The following ERLIN1 variants were observed in gnomAD, a reference collection of about 807,000 sequenced individuals.
ERLIN1 encodes the protein erlin-1.
Under a neutral mutation model 46.9 loss-of-function variants are expected in ERLIN1, and 24 were observed. That is an observed-to-expected ratio of 0.51 (90% confidence interval 0.37 to 0.72). The LOEUF is 0.72. Ranked by LOEUF, ERLIN1 falls within the 30% of genes least tolerant of loss-of-function variation. ERLIN1 has a pLI of 0.00. For synonymous variants in ERLIN1, 158 were observed against 143.2 expected (o/e 1.10, Z -0.74); for missense variants, 293 against 417.9 (o/e 0.70, Z 2.61).
chr10:100,153,485 T>C (rs534086375), intron 10 of ERLIN1, among the ~76,000 whole-genome samples: 1 of 152,332 alleles, frequency 6.6e-6, no homozygotes, highest in African/African-American at 2.4e-5. Flanking sequence ...GATCCTCTCC[T>C]TATCTTGAGT....
chr10:100,179,186 A>G lies in ERLIN1; in HGVS notation c.242+15T>C. ...CTGAGCTAAAGGGAGGCTCGTAGGC[A>G]AAGAGAAAGCTTACCTTGTTCCACA... is the stretch of plus-strand genomic sequence containing the variant. On this transcript the variant is annotated intron_variant, in intron 3 of 10. Transcript: ENST00000421367. 1.3e-6 allele frequency: 2 copies of G among 1,586,240 alleles called. No homozygotes were observed. Among genetic ancestry groups the G allele is most frequent in the Non-Finnish European group, 1.7e-6 (2 of 1,163,648 alleles).
At chr10:100,172,699 T>C (rs750994126) in intron 6 of ERLIN1, among the ~76,000 whole-genome samples, 5 of 152,208 alleles carry the variant, frequency 3.3e-5, no homozygotes, top group Non-Finnish European at 7.3e-5. Flanking sequence ...TGGGTCACAA[T>C]TATTTGCACA....
At chr10:100,153,642 G>T (rs528966035) in intron 10 of ERLIN1, among the ~76,000 whole-genome samples, 1 of 152,144 alleles carries the variant, frequency 6.6e-6, no homozygotes, top group Non-Finnish European at 1.5e-5. Flanking sequence ...ATCAAATCTG[G>T]TCATAGTGCA....
At chr10:100,170,769 T>G (rs1843945311) in intron 6 of ERLIN1, among the ~76,000 whole-genome samples, 1 of 152,132 alleles carries the variant, frequency 6.6e-6, no homozygotes, top group South Asian at 2.1e-4. Context: ...GAGTTACCAT[T>G]AACTGACAAG....
At chr10:100,168,026 T>G (rs1436757277) in intron 6 of ERLIN1, among the ~76,000 whole-genome samples, 1 of 152,238 alleles carries the variant, frequency 6.6e-6, no homozygotes, top group Non-Finnish European at 1.5e-5. Flanking sequence ...AGAGGCTGTT[T>G]ACCAGACACT....
Position 100,174,241 on chromosome 10 carries a change from G to A in ERLIN1, c.471C>T (p.Asp157=). 6.4e-7 allele frequency: 1 copy of A among 1,564,990 alleles called. No homozygotes were observed. Among genetic ancestry groups the A allele is most frequent in the Admixed American group, 1.9e-5 (1 of 52,626 alleles). ...DENLKQALQK[D]LNLMAPGLTI... ...TGAGACCTGGGGCCATGAGGTTTAA[G>A]TCTTTCTGCAGAGCTTGCTTCAGGT... is the stretch of plus-strand genomic sequence containing the variant. The change falls in exon 6 of 11, where the codon GAC becomes GAT. Residue 157 remains aspartate (D), a synonymous_variant. Transcript: ENST00000421367.
At chr10:100,168,121 A>C (rs1046183690) in intron 6 of ERLIN1, among the ~76,000 whole-genome samples, 1 of 152,186 alleles carries the variant, frequency 6.6e-6, no homozygotes, top group Non-Finnish European at 1.5e-5. Context: ...ACTTTTCTAC[A>C]TCAAGGACTT....
At position 100,176,033 on chromosome 10, in the gene ERLIN1, G is replaced by A. The variant is rs773076753; in HGVS notation, c.342C>T (p.Asp114=). ...DIVRNYTADY[D]KTLIFNKIHH... ...GGATTTTATTGAAGATTAAGGTCTT[G>A]TCATAATCTGCAGTATAGTTCCTCA... The change falls in exon 5 of 11, where the codon GAC becomes GAT. Residue 114 remains aspartate, a synonymous_variant. Transcript: ENST00000421367. 2 of 1,611,734 alleles carry A rather than the reference G, an allele frequency of 1.2e-6. No homozygotes were observed. Among genetic ancestry groups the A allele is most frequent in the Non-Finnish European group, 1.7e-6 (2 of 1,178,022 alleles).
At chr10:100,176,900 A>G (rs945251347) in intron 4 of ERLIN1, among the ~76,000 whole-genome samples, 2 of 152,266 alleles carry the variant, frequency 1.3e-5, no homozygotes, top group Non-Finnish European at 2.9e-5. Context: ...AGGTGGGTGG[A>G]TCATTTGAGT....
Position 100,151,843 on chromosome 10 carries a change from A to C in ERLIN1, c.*288T>G. The C allele has an allele frequency of 2.2e-6, 1 of 446,382 alleles. No homozygotes were observed. Among genetic ancestry groups the C allele is most frequent in the Non-Finnish European group, 4.2e-6 (1 of 239,058 alleles). 27.7% of individuals were successfully genotyped at this position (446,382 alleles called of 1,614,324 possible). A position where few individuals can be genotyped will look rare whatever the true frequency, so the allele number is the denominator to read the frequency against. ...ACAGCTTGTTATATATTTAGTGTTT[A>C]ACATTCCAGTGCAGGCAGTATCTTA... On this transcript the variant is annotated 3_prime_UTR_variant, in exon 11 of 11. Transcript: ENST00000421367.
At chr10:100,181,284 CAG>C (rs1440748522) in intron 2 of ERLIN1, among the ~76,000 whole-genome samples, 2 of 152,112 alleles carry the variant, frequency 1.3e-5, no homozygotes, top group Admixed American at 6.5e-5. Flanking sequence ...CCCAGTATGA[CAG>C]AAAATTTATT....
chr10:100,185,658 C>T lies in ERLIN1; in HGVS notation c.-32G>A. 1 of 1,565,962 alleles carries T rather than the reference C, an allele frequency of 6.4e-7. No homozygotes were observed. The highest frequency in any genetic ancestry group is 8.8e-7 in the Non-Finnish European group (1 of 1,136,028). ...TCCTCCTGGGAGCGGGAGAAAAGGA[C>T]CCTCAGTCCCGTGAGTGACAGGTCC... On this transcript the variant is annotated 5_prime_UTR_variant, in exon 1 of 11. Coordinates refer to ENST00000421367, the MANE Select transcript of ERLIN1 (RefSeq NM_006459.4).
chr10:100,163,579 A>T (rs1177966203), intron 8 of ERLIN1, among the ~76,000 whole-genome samples: 5 of 152,186 alleles, frequency 3.3e-5, no homozygotes, highest in Non-Finnish European at 7.4e-5. Context: ...AATGAACTGT[A>T]AACAATCCTG....
At chr10:100,157,322 T>C (rs74152998) in intron 8 of ERLIN1, among the ~76,000 whole-genome samples, 1,805 of 152,250 alleles carry the variant, frequency 0.012, 34 homozygotes, top group African/African-American at 0.041. Flanking sequence ...AAAACAAGCA[T>C]TGGGAGTGAA....
At position 100,152,111 on chromosome 10, in the gene ERLIN1, G is replaced by C; in HGVS notation, c.*20C>G. 1.3e-6 allele frequency: 2 copies of C among 1,509,654 alleles called. No individual in the cohort carries two copies. Among genetic ancestry groups the C allele is most frequent in the Non-Finnish European group, 1.8e-6 (2 of 1,084,902 alleles). 93.5% of individuals were successfully genotyped at this position (1,509,654 alleles called of 1,614,324 possible). ...CCCTTGGGCCACATCTTGATATGGA[G>C]AACATTTCCACCTCTTGCATCAACC... On this transcript the variant is annotated 3_prime_UTR_variant, in exon 11 of 11. Coordinates refer to ENST00000421367, the MANE Select transcript of ERLIN1 (RefSeq NM_006459.4).
At chr10:100,153,512 G>A (rs1842913892) in intron 10 of ERLIN1, among the ~76,000 whole-genome samples, 1 of 152,262 alleles carries the variant, frequency 6.6e-6, no homozygotes, top group South Asian at 2.1e-4. Context: ...CTGTCCCCCA[G>A]GCAAAAGTCC....
intron 4 of ERLIN1, among the ~76,000 whole-genome samples, chr10:100,176,588 T>A (rs1247174074): frequency 6.6e-6 from 1 of 152,192 alleles, no homozygotes; most frequent in Non-Finnish European, 1.5e-5. Flanking sequence ...TTTAAAGTTG[T>A]TAAAACATTA....
intron 3 of ERLIN1, 129 bp from the exon 4 acceptor site, chr10:100,178,323 C>T: frequency 1.7e-6 from 1 of 601,438 alleles, no homozygotes; most frequent in Non-Finnish European, 2.9e-6. Flanking sequence ...AGTTCGCTTC[C>T]TTTTTCATAG....
intron 1 of ERLIN1, among the ~76,000 whole-genome samples, chr10:100,184,067 C>T (rs964530033): frequency 6.6e-6 from 1 of 152,112 alleles, no homozygotes; most frequent in African/African-American, 2.4e-5. Context: ...CTCAACCAAC[C>T]GTACCTCTGG....
Sources: gnomAD v4.1 joint callset for allele counts (sites outside exome capture counted in the v4.1 genomes callset) on GRCh38, gnomAD v4.1.1 for gene constraint, MANE v1.5 for transcripts, NCBI Gene and HGNC (gene_info 2026-07-23, HGNC 2026-07-21) for gene names.